The following TBX18 variants were observed in gnomAD, a reference collection of about 807,000 sequenced individuals.
TBX18 encodes the protein T-box transcription factor 18.
In TBX18, 21 loss-of-function variants were observed where a neutral mutation model predicts 55.0. The ratio of observed to expected loss-of-function variants is 0.38; its 90% CI spans 0.27 to 0.55. TBX18 has a LOEUF of 0.55. Among genes scored for constraint, TBX18 ranks in the 20% least tolerant of loss-of-function variants. The probability of loss-of-function intolerance (pLI) is 0.73; values close to 1 mark genes in which losing one functional copy is unlikely to be tolerated. For synonymous variants in TBX18, 342 were observed against 326.1 expected, an observed-to-expected ratio of 1.05 and a Z score of -0.53; for missense variants, 840 against 799.6, an observed-to-expected ratio of 1.05 and a Z score of -0.61.
At position 84,747,185 on chromosome 6, in the gene TBX18, GA is replaced by G. The variant is rs111678338; in HGVS notation, c.939+734del. Reference sequence around the variant, plus strand: ...AACAATTCTGCTGACCACTGAAATTGAAAAAAAAAAAAATCTACCACAGGCC... The same window carrying G: ...AACAATTCTGCTGACCACTGAAATTGAAAAAAAAAAAATCTACCACAGGCC... On this transcript the variant is annotated intron_variant, in intron 5 of 7. Coordinates refer to ENST00000369663, the MANE Select transcript of TBX18 (RefSeq NM_001080508.3). Among the ~76,000 whole-genome samples, 982 of 139,084 alleles carry G rather than the reference GA, an allele frequency of 7.1e-3. 7 individuals are homozygous for G. The highest frequency in any genetic ancestry group is 0.017 in the African/African-American group (668 of 38,674). 91.2% of individuals were successfully genotyped at this position (139,084 alleles called of 152,430 possible).
intron 2 of TBX18, 147 bp from the exon 3 acceptor site, chr6:84,760,503 TC>T: frequency 3.7e-6 from 2 of 543,074 alleles, no homozygotes; most frequent in South Asian, 5.7e-5. Context: ...ATTCAAGGAG[TC>T]AGGACATAGA....
At position 84,762,631 on chromosome 6, in the gene TBX18, T is replaced by C; in HGVS notation, c.410A>G (p.Gln137Arg). 6.2e-7 allele frequency: 1 copy of C among 1,612,432 alleles called. No homozygotes were observed. The highest frequency in any genetic ancestry group is 8.5e-7 in the Non-Finnish European group (1 of 1,179,366). ...TCCCTGCAGATCCACCCGCGGGGCC[T>C]GCGGCGAGGGCAGAGGGGTCCCGGG... ...ARPGTPLPSP[Q>R]APRVDLQGAE... Residue 137 changes from glutamine (Q) to arginine (R), a missense_variant, in exon 2 of 8, where the codon CAG becomes CGG. Gln to Arg is a conservative substitution (Grantham distance 43). Coordinates refer to ENST00000369663, the MANE Select transcript of TBX18 (RefSeq NM_001080508.3).
chr6:84,756,885 C>T lies in TBX18; in HGVS notation c.600-16G>A. 6.2e-7 allele frequency: 1 copy of T among 1,612,860 alleles called. No homozygotes were observed. The stretch of plus-strand genomic sequence containing the variant: ...GTAAACATACCTAGAAGGCAATGAC[C>T]AGGCGTTCAGTATACTGTTTTTATC... On this transcript the variant is annotated splice_polypyrimidine_tract_variant and intron_variant, in intron 3 of 7. Coordinates refer to ENST00000369663, the MANE Select transcript of TBX18 (RefSeq NM_001080508.3).
At position 84,764,029 on chromosome 6, in the gene TBX18, G is replaced by A. The variant is rs764286792; in HGVS notation, c.153C>T (p.Asp51=). The change falls in exon 1 of 8, where the codon GAC becomes GAT. Residue 51 remains aspartate (D), a synonymous_variant. Transcript: ENST00000369663. ...LGAEEAAGAV[D]DGGCSRGGGA... Reference sequence around the variant, plus strand: ...CGCCGCCGCGGCTGCAGCCTCCGTCGTCCACGGCCCCCGCCGCCTCTTCGG... The same window carrying A: ...CGCCGCCGCGGCTGCAGCCTCCGTCATCCACGGCCCCCGCCGCCTCTTCGG... 2 of 1,555,518 alleles carry A rather than the reference G, an allele frequency of 1.3e-6. No individual in the cohort carries two copies. Among genetic ancestry groups the A allele is most frequent in the Admixed American group, 1.9e-5 (1 of 53,608 alleles).
intron 3 of TBX18, among the ~76,000 whole-genome samples, chr6:84,757,812 TAAC>T (rs1282473988): frequency 6.6e-6 from 1 of 151,934 alleles, no homozygotes; most frequent in African/African-American, 2.4e-5. Flanking sequence ...GAAACTAGTA[TAAC>T]AATGAAGAAA....
Position 84,763,925 on chromosome 6 carries a change from G to C in TBX18, c.257C>G (p.Ala86Gly). 2 of 1,570,400 alleles carry C rather than the reference G, an allele frequency of 1.3e-6. No individual in the cohort carries two copies. The highest frequency in any genetic ancestry group is 1.7e-6 in the Non-Finnish European group (2 of 1,164,332). The change falls in exon 1 of 8, where the codon GCT (alanine) becomes GGT (glycine). Residue 86 changes from alanine (A) to glycine (G), a missense_variant. Coordinates refer to ENST00000369663, the MANE Select transcript of TBX18 (RefSeq NM_001080508.3). The part of the protein sequence containing the change: ...PPPAGATSGP[A>G]RSGADLERGA... The stretch of plus-strand genomic sequence containing the variant: ...GCGCTCCAGGTCTGCGCCACTCCGA[G>C]CCGGCCCAGACGTCGCCCCAGCCGG...
chr6:84,763,570 A>G (rs988719625), intron 1 of TBX18: 2 of 607,874 alleles, frequency 3.3e-6, no homozygotes, highest in South Asian at 3.1e-5. Flanking sequence ...AACAAAAAAG[A>G]GCACCCATTG....
At chr6:84,750,155 C>T (rs572967365) in intron 4 of TBX18, among the ~76,000 whole-genome samples, 7 of 151,886 alleles carry the variant, frequency 4.6e-5, no homozygotes, top group Non-Finnish European at 8.8e-5. Flanking sequence ...CGTGGTGGCA[C>T]ATGCCTGTAG....
intron 4 of TBX18, among the ~76,000 whole-genome samples, chr6:84,755,138 A>C (rs1317637043): frequency 6.6e-6 from 1 of 152,156 alleles, no homozygotes; most frequent in African/African-American, 2.4e-5. Context: ...TAGATTGATA[A>C]ATTACTAGAT....
Position 84,764,205 on chromosome 6 carries a change from C to A in TBX18, c.-24G>T, listed in dbSNP as rs747419170. 2.7e-4 allele frequency: 388 copies of A among 1,435,454 alleles called. No homozygotes were observed. Among genetic ancestry groups the A allele is most frequent in the Non-Finnish European group, 3.3e-4 (364 of 1,103,396 alleles). The allele number at this position is 1,435,454 out of a possible 1,614,324, so 88.9% of individuals were successfully genotyped here. Reference sequence around the variant, plus strand: ...ATCCCCCCCGCCCCGCGCCCGCCCGCCCCTCTCTCATATACACTCACGCGG... The same window carrying A: ...ATCCCCCCCGCCCCGCGCCCGCCCGACCCTCTCTCATATACACTCACGCGG... On this transcript the variant is annotated 5_prime_UTR_variant, in exon 1 of 8. Transcript: ENST00000369663.
At chr6:84,757,869 TTG>T (rs1361608837) in intron 3 of TBX18, among the ~76,000 whole-genome samples, 1 of 152,130 alleles carries the variant, frequency 6.6e-6, no homozygotes, top group East Asian at 1.9e-4. Context: ...TTCCTTCCAT[TTG>T]TGTGTTAAGA....
chr6:84,747,377 A>G (rs1767224718), intron 5 of TBX18, among the ~76,000 whole-genome samples: 3 of 152,198 alleles, frequency 2.0e-5, no homozygotes, highest in African/African-American at 4.8e-5. Flanking sequence ...TTCACTTCTC[A>G]CACTATTTCT....
intron 1 of TBX18, chr6:84,763,296 G>A: frequency 2.3e-6 from 1 of 440,016 alleles, no homozygotes; most frequent in East Asian, 7.0e-5. Flanking sequence ...TTCAGACCCC[G>A]CTTTCGCCAA....
chr6:84,762,404 T>A lies in TBX18; in HGVS notation c.497+140A>T, dbSNP rs553549420. 1.4e-5 allele frequency: 14 copies of A among 1,002,986 alleles called. No individual in the cohort carries two copies. In the African/African-American group the frequency reaches 2.2e-4, roughly 16 times the overall value. The allele number at this position is 1,002,986 out of a possible 1,614,324, so 62.1% of individuals were successfully genotyped here. On this transcript the variant is annotated intron_variant, in intron 2 of 7. Transcript: ENST00000369663. ...AGCTAGCCTCCAAAGTGAACCACGG[T>A]CTGGGGCCTGGTCCCGTTTGACCGA...
intron 4 of TBX18, among the ~76,000 whole-genome samples, chr6:84,752,393 GC>G (rs1299704061): frequency 1.3e-5 from 2 of 152,046 alleles, no homozygotes; most frequent in Non-Finnish European, 2.9e-5. Flanking sequence ...CAAAAACCTT[GC>G]TCCCTACATT....
At chr6:84,752,363 G>A (rs1767372825) in intron 4 of TBX18, among the ~76,000 whole-genome samples, 1 of 152,048 alleles carries the variant, frequency 6.6e-6, no homozygotes, top group Non-Finnish European at 1.5e-5. Context: ...TCAATCAAAG[G>A]ACCAACAAGA....
chr6:84,741,205 G>A (rs1469063156), intron 6 of TBX18: 2 of 152,086 alleles, frequency 1.3e-5, no homozygotes, highest in Non-Finnish European at 2.9e-5. Flanking sequence ...ACCTTTCCTG[G>A]CTAGTTAAAG....
chr6:84,756,760 T>C lies in TBX18; in HGVS notation c.709A>G (p.Arg237Gly). 6.2e-7 allele frequency: 1 copy of C among 1,614,146 alleles called. No homozygotes were observed. The highest frequency in any genetic ancestry group is 8.5e-7 in the Non-Finnish European group (1 of 1,180,032). Residue 237 changes from arginine (R) to glycine (G), a missense_variant, in exon 4 of 8, where the codon AGA becomes GGA. Coordinates refer to ENST00000369663, the MANE Select transcript of TBX18 (RefSeq NM_001080508.3). ...AGCTTGTCGAAGCTGATAACTTGTC[T>C]CATCCAAGTCTCCCCCGAGGCAGGC... The part of the protein sequence containing the change: ...DSPASGETWM[R>G]QVISFDKLKL...
At chr6:84,763,072 G>A (rs995240069) in intron 1 of TBX18, 217 of 454,746 alleles carry the variant, frequency 4.8e-4, no homozygotes, top group Non-Finnish European at 1.4e-4. Flanking sequence ...CGCCGCCGCC[G>A]GGGTCTGGGA....
Sources: gnomAD v4.1 joint callset for allele counts (sites outside exome capture counted in the v4.1 genomes callset) on GRCh38, gnomAD v4.1.1 for gene constraint, MANE v1.5 for transcripts, NCBI Gene and HGNC (gene_info 2026-07-23, HGNC 2026-07-21) for gene names.